Variants in NKAIN2 observed in about 807,000 individuals in gnomAD.
The protein encoded by NKAIN2 is sodium/potassium transporting ATPase interacting 2.
NKAIN2 carries 14 observed loss-of-function variants against 32.6 expected under a neutral mutation model. The observed-to-expected ratio is 0.43, with a 90% CI of 0.28 to 0.67. The LOEUF (loss-of-function observed/expected upper bound fraction) is 0.67, where lower values mean the gene tolerates loss of function less well. Among genes scored for constraint, NKAIN2 ranks in the 30% least tolerant of loss-of-function variants. NKAIN2 has a pLI of 0.17. For synonymous variants in NKAIN2, 80 were observed against 87.2 expected (o/e 0.92, Z 0.46); for missense variants, 198 against 258.3 (o/e 0.77, Z 1.60).
intron 3 of NKAIN2, among the ~76,000 whole-genome samples, chr6:124,444,017 G>C (rs1240146592): frequency 6.6e-6 from 1 of 151,732 alleles, no homozygotes; most frequent in African/African-American, 2.4e-5. Context: ...ATAATCATTT[G>C]CATGAATATT....
intron 1 of NKAIN2, among the ~76,000 whole-genome samples, chr6:123,824,755 A>G (rs182743449): frequency 6.6e-6 from 1 of 152,002 alleles, no homozygotes; most frequent in Admixed American, 6.6e-5. Flanking sequence ...AAAAGAAAAA[A>G]CAATTACTAT....
At chr6:123,866,228 C>T (rs1359112866) in intron 1 of NKAIN2, among the ~76,000 whole-genome samples, 2 of 152,174 alleles carry the variant, frequency 1.3e-5, no homozygotes, top group Admixed American at 6.5e-5. Context: ...TTTTCCCTCT[C>T]CTTTTGACAA....
chr6:124,292,613 A>G (rs1256935990), intron 2 of NKAIN2, among the ~76,000 whole-genome samples: 1 of 150,510 alleles, frequency 6.6e-6, no homozygotes, highest in African/African-American at 2.5e-5. Flanking sequence ...CATTTTACCC[A>G]GCTCCTGTTC....
intron 1 of NKAIN2, among the ~76,000 whole-genome samples, chr6:124,264,014 G>A (rs1794370704): frequency 6.6e-6 from 1 of 152,098 alleles, no homozygotes; most frequent in African/African-American, 2.4e-5. Context: ...TAGGAAAAAG[G>A]AAATAGAATA....
intron 3 of NKAIN2, among the ~76,000 whole-genome samples, chr6:124,462,416 T>C (rs1776568169): frequency 1.3e-5 from 2 of 152,110 alleles, no homozygotes; most frequent in South Asian, 4.1e-4. Context: ...TATGCATATT[T>C]GAGAATATAA....
At chr6:124,236,096 T>C (rs1040906321) in intron 1 of NKAIN2, among the ~76,000 whole-genome samples, 8 of 152,122 alleles carry the variant, frequency 5.3e-5, no homozygotes, top group Admixed American at 6.6e-5. Context: ...TAGTAAAGAC[T>C]ATATTTTAAT....
intron 3 of NKAIN2, among the ~76,000 whole-genome samples, chr6:124,409,192 T>A (rs1182145270): frequency 2.0e-5 from 3 of 152,164 alleles, no homozygotes; most frequent in African/African-American, 7.2e-5. Flanking sequence ...TATTTCCTTC[T>A]CCTGCCTGAT....
At chr6:123,832,705 A>G (rs1774438203) in intron 1 of NKAIN2, among the ~76,000 whole-genome samples, 1 of 152,140 alleles carries the variant, frequency 6.6e-6, no homozygotes, top group Non-Finnish European at 1.5e-5. Context: ...TTGTTTTAAT[A>G]TGCATTTCCA....
intron 1 of NKAIN2, among the ~76,000 whole-genome samples, chr6:124,059,485 C>A (rs1782822885): frequency 6.6e-6 from 1 of 152,138 alleles, no homozygotes; most frequent in Admixed American, 6.6e-5. Flanking sequence ...CTTCCATTAT[C>A]CCATCTTATT....
intron 3 of NKAIN2, among the ~76,000 whole-genome samples, chr6:124,463,969 G>A (rs985706720): frequency 3.8e-4 from 58 of 151,928 alleles, no homozygotes; most frequent in Admixed American, 3.3e-3. Context: ...CATTTGAATG[G>A]CACTTTGTTT....
chr6:124,056,895 C>T (rs915763494), intron 1 of NKAIN2, among the ~76,000 whole-genome samples: 6 of 151,970 alleles, frequency 3.9e-5, no homozygotes, highest in African/African-American at 9.7e-5. Flanking sequence ...AAGGAGTTTC[C>T]TGGAGCTGTC....
At chr6:124,758,601 G>A (rs1342253543) in intron 4 of NKAIN2, among the ~76,000 whole-genome samples, 1 of 152,148 alleles carries the variant, frequency 6.6e-6, no homozygotes, top group Non-Finnish European at 1.5e-5. Flanking sequence ...TGGTTAGGCC[G>A]CAGTTCCCAC....
chr6:124,028,479 C>T (rs1244154773), intron 1 of NKAIN2, among the ~76,000 whole-genome samples: 1 of 150,936 alleles, frequency 6.6e-6, no homozygotes, highest in East Asian at 2.0e-4. Flanking sequence ...CAGCATGGCA[C>T]ATGTATGCAT....
rs552352042 is a variant in NKAIN2 at position 124,068,910 on chromosome 6, T to C, written c.55-214095T>C. On this transcript the variant is annotated intron_variant, in intron 1 of 6. Coordinates refer to ENST00000368417, the MANE Select transcript of NKAIN2 (RefSeq NM_001040214.3). Reference sequence around the variant, plus strand: ...ATGGTAGACTCTCGAGCACAGGTCATCTGTTTGCATCAGCCTCAGAATATC... The same window carrying C: ...ATGGTAGACTCTCGAGCACAGGTCACCTGTTTGCATCAGCCTCAGAATATC... Among the ~76,000 whole-genome samples, 3 of 152,198 alleles carry C rather than the reference T, an allele frequency of 2.0e-5. No homozygotes were observed. In the East Asian group the frequency reaches 5.8e-4, roughly 30 times the overall value.
intron 2 of NKAIN2, among the ~76,000 whole-genome samples, chr6:124,338,774 A>C (rs1016089155): frequency 5.9e-5 from 9 of 152,188 alleles, no homozygotes; most frequent in Non-Finnish European, 8.8e-5. Context: ...AATAACCAAA[A>C]AAAAATTTTC....
At chr6:124,720,289 G>A (rs1775952221) in intron 4 of NKAIN2, among the ~76,000 whole-genome samples, 2 of 152,170 alleles carry the variant, frequency 1.3e-5, no homozygotes, top group African/African-American at 2.4e-5. Context: ...GGAAACTTCA[G>A]TCCTCTTTAG....
At chr6:124,132,119 G>A (rs943124135) in intron 1 of NKAIN2, among the ~76,000 whole-genome samples, 5 of 152,066 alleles carry the variant, frequency 3.3e-5, no homozygotes, top group Non-Finnish European at 5.9e-5. Flanking sequence ...ATGAGAGCTG[G>A]GTGAGGCCTT....
intron 3 of NKAIN2, among the ~76,000 whole-genome samples, chr6:124,510,887 C>A (rs2114772634): frequency 6.6e-6 from 1 of 152,240 alleles, no homozygotes; most frequent in East Asian, 1.9e-4. Flanking sequence ...TTCATTTTTT[C>A]TAACATTACC....
At chr6:123,882,034 A>G (rs1773479702) in intron 1 of NKAIN2, among the ~76,000 whole-genome samples, 2 of 152,148 alleles carry the variant, frequency 1.3e-5, no homozygotes, top group South Asian at 4.1e-4. Flanking sequence ...TAATGGATAA[A>G]CTAAAAATCT....
Sources: allele counts gnomAD v4.1 joint callset (sites outside exome capture counted in the v4.1 genomes callset), GRCh38; gene constraint gnomAD v4.1.1; transcripts MANE v1.5; gene names NCBI Gene and HGNC (gene_info 2026-07-23, HGNC 2026-07-21).